Variants in HDAC9 observed in about 807,000 individuals in gnomAD.
HDAC9 encodes the protein MEF-2 interacting transcription repressor (MITR) protein.
Under a neutral mutation model 139.4 loss-of-function variants are expected in HDAC9, and 41 were observed. That is an observed-to-expected ratio of 0.29 (90% confidence interval 0.23 to 0.38). The LOEUF (loss-of-function observed/expected upper bound fraction) is 0.38, where lower values mean the gene tolerates loss of function less well. Among genes scored for constraint, HDAC9 ranks in the 10% least tolerant of loss-of-function variants. HDAC9 has a pLI of 1.00. For synonymous variants in HDAC9, 517 were observed against 476.2 expected, an observed-to-expected ratio of 1.09 and a Z score of -1.12; for missense variants, 1,147 against 1,297.0, an observed-to-expected ratio of 0.88 and a Z score of 1.78.
intron 25 of HDAC9, among the ~76,000 whole-genome samples, chr7:18,990,241 G>T (rs1267708350): frequency 6.6e-6 from 1 of 152,160 alleles, no homozygotes. Flanking sequence ...TGGTGTGGAT[G>T]TCCTTTCTGT....
At chr7:18,563,711 C>A (rs1017649379) in intron 2 of HDAC9, among the ~76,000 whole-genome samples, 2 of 148,338 alleles carry the variant, frequency 1.3e-5, no homozygotes, top group Non-Finnish European at 3.0e-5. Context: ...CATCAATTCC[C>A]TCAGAACCAC....
At chr7:18,141,279 C>T (rs545927369) in intron 1 of HDAC9, among the ~76,000 whole-genome samples, 1 of 152,052 alleles carries the variant, frequency 6.6e-6, no homozygotes, top group South Asian at 2.1e-4. Flanking sequence ...AACATTTTTT[C>T]CCTTTATCTG....
At chr7:18,608,146 T>C (rs1344936943) in intron 6 of HDAC9, among the ~76,000 whole-genome samples, 2 of 152,174 alleles carry the variant, frequency 1.3e-5, no homozygotes, top group Non-Finnish European at 2.9e-5. Context: ...TATATGTCTT[T>C]AGACTTACCT....
intron 6 of HDAC9, among the ~76,000 whole-genome samples, chr7:18,611,450 C>G (rs1837111481): frequency 6.6e-6 from 1 of 152,092 alleles, no homozygotes; most frequent in African/African-American, 2.4e-5. Context: ...ATCTTATTAA[C>G]TCTATGCAAT....
At chr7:18,169,289 T>C (rs1426407517) in intron 2 of HDAC9, among the ~76,000 whole-genome samples, 1 of 152,132 alleles carries the variant, frequency 6.6e-6, no homozygotes, top group Non-Finnish European at 1.5e-5. Context: ...TCTTACATAC[T>C]GTAATTGCAT....
intron 2 of HDAC9, among the ~76,000 whole-genome samples, chr7:18,267,870 C>T (rs1343091773): frequency 6.6e-6 from 1 of 152,086 alleles, no homozygotes; most frequent in Admixed American, 6.6e-5. Flanking sequence ...TCTGTCCTTA[C>T]ATAGCTGTTT....
intron 2 of HDAC9, among the ~76,000 whole-genome samples, chr7:18,233,129 C>T (rs1358298019): frequency 2.6e-5 from 4 of 152,108 alleles, no homozygotes; most frequent in South Asian, 2.1e-4. Flanking sequence ...TCCTTCTGAA[C>T]ATTTTTAATG....
chr7:18,309,599 A>T lies in HDAC9; in HGVS notation c.-42+19084A>T, dbSNP rs694689. On this transcript the variant is annotated intron_variant, in intron 1 of 3. Transcript: ENST00000413509. ...TGCTGAGTATGTTAAGAATTCACACAGTTTAAACAAGAGGGAACATTTGGG... is the reference window on the plus strand; with the variant it reads ...TGCTGAGTATGTTAAGAATTCACACTGTTTAAACAAGAGGGAACATTTGGG... Among the ~76,000 whole-genome samples, 561 of 152,322 alleles carry T rather than the reference A, an allele frequency of 3.7e-3. 4 individuals are homozygous for T. Among genetic ancestry groups the T allele is most frequent in the African/African-American group, 0.013 (539 of 41,590 alleles).
rs150180533 is a variant in HDAC9 at position 18,484,233 on chromosome 7, G to A, written c.-41-12029G>A. Among the ~76,000 whole-genome samples, 436 of 150,502 alleles carry A rather than the reference G, an allele frequency of 2.9e-3. 3 individuals are homozygous for A. Among genetic ancestry groups the A allele is most frequent in the African/African-American group, 1.0e-2 (409 of 40,948 alleles). ...GGTGGTGTGTGCCTGTAGTCCCAGC[G>A]CTTGAGGGGAGAGGATCCCTTGAGC... On this transcript the variant is annotated intron_variant, in intron 1 of 3. Transcript: ENST00000413509.
chr7:18,199,704 G>A (rs1241605166), intron 2 of HDAC9, among the ~76,000 whole-genome samples: 1 of 144,348 alleles, frequency 6.9e-6, no homozygotes, highest in Admixed American at 7.1e-5. Flanking sequence ...GCTGCTTGAG[G>A]TCATGGTTTC....
At chr7:18,299,157 GTAAGAT>G (rs1798357397) in intron 1 of HDAC9, among the ~76,000 whole-genome samples, 1 of 151,316 alleles carries the variant, frequency 6.6e-6, no homozygotes, top group African/African-American at 2.4e-5. Flanking sequence ...TTATGCAAGA[GTAAGAT>G]TTTTTTAAAA....
intron 1 of HDAC9, among the ~76,000 whole-genome samples, chr7:18,295,167 T>C (rs1798059038): frequency 6.6e-6 from 1 of 152,124 alleles, no homozygotes; most frequent in Non-Finnish European, 1.5e-5. Context: ...GAGGGCCCAG[T>C]ACTTAACCAC....
chr7:18,617,352 T>G (rs1171167877), intron 6 of HDAC9, among the ~76,000 whole-genome samples: 1 of 152,018 alleles, frequency 6.6e-6, no homozygotes, highest in Non-Finnish European at 1.5e-5. Context: ...CTCTCAACTC[T>G]CCCCAGTCCA....
At chr7:18,527,326 CCTT>C (rs1228450510) in intron 2 of HDAC9, among the ~76,000 whole-genome samples, 3 of 152,064 alleles carry the variant, frequency 2.0e-5, no homozygotes, top group African/African-American at 7.2e-5. Context: ...CTCAATTTTA[CCTT>C]CTTTGTTTTT....
At chr7:18,932,250 C>T (rs6950979) in intron 22 of HDAC9, among the ~76,000 whole-genome samples, 27,077 of 152,012 alleles carry the variant, frequency 0.18, 2,876 homozygotes, top group East Asian at 0.37. Flanking sequence ...CACGTGTTTT[C>T]ATTTATTTTT....
chr7:18,467,536 A>G (rs899138363), intron 1 of HDAC9, among the ~76,000 whole-genome samples: 10 of 152,134 alleles, frequency 6.6e-5, no homozygotes, highest in African/African-American at 2.2e-4. Flanking sequence ...ATAAAATTCT[A>G]TACTTGCCAT....
At chr7:18,121,368 T>C (rs973739420) in intron 1 of HDAC9, among the ~76,000 whole-genome samples, 26 of 151,766 alleles carry the variant, frequency 1.7e-4, no homozygotes, top group African/African-American at 6.1e-4. Context: ...CGGGTTTTGT[T>C]CTGGAGACTT....
intron 1 of HDAC9, among the ~76,000 whole-genome samples, chr7:18,470,513 C>G: frequency 6.6e-6 from 1 of 152,074 alleles, no homozygotes; most frequent in Non-Finnish European, 1.5e-5. Context: ...TCTTTCACTA[C>G]AGACATTAGA....
intron 17 of HDAC9, among the ~76,000 whole-genome samples, chr7:18,822,440 C>T (rs573989226): frequency 7.9e-5 from 12 of 152,232 alleles, no homozygotes; most frequent in East Asian, 3.9e-4. Context: ...CTGCAGCTGC[C>T]GCCTCCCGGG....
Sources: allele counts gnomAD v4.1 joint callset (sites outside exome capture counted in the v4.1 genomes callset), GRCh38; gene constraint gnomAD v4.1.1; transcripts MANE v1.5; gene names NCBI Gene and HGNC (gene_info 2026-07-23, HGNC 2026-07-21).